WFDC2: variants seen among roughly 807,000 people sequenced by gnomAD.
WFDC2 encodes the protein WAP four-disulfide core domain protein 2.
A neutral mutation model predicts 12.5 loss-of-function variants in WFDC2; 8 were observed. The ratio of observed to expected loss-of-function variants is 0.64; its 90% CI spans 0.37 to 1.15. WFDC2 has a LOEUF of 1.15. Among genes scored for constraint, WFDC2 ranks in the 50% most tolerant of loss-of-function variants. The pLI is 0.01. For missense variants in WFDC2, 166 were observed against 159.9 expected (o/e 1.04, Z -0.21); for synonymous variants, 74 against 67.2 (o/e 1.10, Z -0.49).
At position 45,480,060 on chromosome 20, in the gene WFDC2, T is replaced by G. The variant is rs1050953133; in HGVS notation, c.342T>G (p.Cys114Trp). The change falls in exon 3 of 4, where the codon TGT becomes TGG. Residue 114 changes from cysteine to tryptophan, a missense_variant. By Grantham distance (215) the Cys-to-Trp change is radical. Transcript: ENST00000372676. The part of the protein sequence containing the change: ...PGQMKCCRNG[C>W]GKVSCVTPNF ...AGATGAAATGCTGCCGCAATGGCTG[T>G]GGGAAGGTGTCCTGTGTCACTCCCA... 2 of 1,614,026 alleles carry G rather than the reference T, an allele frequency of 1.2e-6. No individual in the cohort carries two copies. The highest frequency in any genetic ancestry group is 2.7e-5 in the African/African-American group (2 of 74,894).
chr20:45,478,106 G>A (rs1213386219), intron 2 of WFDC2, among the ~76,000 whole-genome samples: 5 of 152,196 alleles, frequency 3.3e-5, no homozygotes, highest in Non-Finnish European at 7.3e-5. Flanking sequence ...CTCCATGGGG[G>A]TGGGATCCGC....
intron 3 of WFDC2, among the ~76,000 whole-genome samples, chr20:45,480,299 G>A (rs370953472): frequency 6.6e-6 from 1 of 152,068 alleles, no homozygotes; most frequent in East Asian, 1.9e-4. Flanking sequence ...GTCTCAGGCA[G>A]AGGGAACAGA....
At chr20:45,479,910 G>T in intron 2 of WFDC2, 32 bp from the exon 3 acceptor site, 1 of 1,614,216 alleles carries the variant, frequency 6.2e-7, no homozygotes, top group Non-Finnish European at 8.5e-7. Flanking sequence ...TATCGCCTCT[G>T]CCCACTTACC....
At chr20:45,479,119 G>T (rs927080038) in intron 2 of WFDC2, among the ~76,000 whole-genome samples, 3 of 152,176 alleles carry the variant, frequency 2.0e-5, no homozygotes, top group African/African-American at 7.2e-5. Context: ...GTGTGTGTTT[G>T]TTAGTGGAAG....
chr20:45,469,777 GCAC>G lies in WFDC2; in HGVS notation c.-2_1del. 2.5e-6 allele frequency: 4 copies of G among 1,606,290 alleles called. No homozygotes were observed. The highest frequency in any genetic ancestry group is 3.4e-6 in the Non-Finnish European group (4 of 1,176,608). ...CACACCTGCACCCCGCCCGGGCATAGCACCATGCCTGCTTGTCGCCTAGGCCCG... is the reference window on the plus strand; with the variant it reads ...CACACCTGCACCCCGCCCGGGCATAGCATGCCTGCTTGTCGCCTAGGCCCG... On this transcript the variant is annotated 5_prime_UTR_variant, in exon 1 of 4. Coordinates refer to ENST00000372676, the MANE Select transcript of WFDC2 (RefSeq NM_006103.4).
At chr20:45,476,816 C>A (rs576749691) in intron 2 of WFDC2, among the ~76,000 whole-genome samples, 2 of 152,252 alleles carry the variant, frequency 1.3e-5, no homozygotes, top group South Asian at 4.1e-4. Flanking sequence ...ATCAATCAAA[C>A]ATAGGTTTGG....
At chr20:45,479,535 G>A (rs1298138702) in intron 2 of WFDC2, 4 of 811,558 alleles carry the variant, frequency 4.9e-6, no homozygotes, top group South Asian at 4.7e-5. Context: ...CTAATTAAGT[G>A]TTCACTGTTA....
chr20:45,480,146 C>A (rs1251436351), intron 3 of WFDC2, 52 bp downstream of exon 3: 4 of 1,604,456 alleles, frequency 2.5e-6, no homozygotes, highest in Non-Finnish European at 3.4e-6. Flanking sequence ...TTGTGGGAAA[C>A]AGGAGAAAAC....
In WFDC2 at chr20:45,480,066, G is replaced by T; in HGVS notation, c.348G>T (p.Lys116Asn). The T allele has an allele frequency of 6.2e-7, 1 of 1,614,196 alleles. No individual in the cohort carries two copies. Among genetic ancestry groups the T allele is most frequent in the South Asian group, 1.1e-5 (1 of 91,084 alleles). The change falls in exon 3 of 4, where the codon AAG becomes AAT. Residue 116 changes from lysine to asparagine, a missense_variant. Transcript: ENST00000372676. ...QMKCCRNGCG[K>N]VSCVTPNF Reference sequence around the variant, plus strand: ...AATGCTGCCGCAATGGCTGTGGGAAGGTGTCCTGTGTCACTCCCAATTTCT... The same window carrying T: ...AATGCTGCCGCAATGGCTGTGGGAATGTGTCCTGTGTCACTCCCAATTTCT...
rs570529233 is a variant in WFDC2 at position 45,470,731 on chromosome 20, A to AG, written c.223+206dup. On this transcript the variant is annotated intron_variant, in intron 2 of 3. Transcript: ENST00000372676. The surrounding 1 kb of genome is among the most constrained non-coding windows in gnomAD (Gnocchi z 5.4). ...CAAAGGCGTCGTTGAAACGCAGCCA[A>AG]GGGGGGGTCCCCACCCCTAGCTGGG... 4.3e-4 allele frequency among the ~76,000 whole-genome samples: 65 copies of AG among 152,198 alleles called. 1 individual carries two copies. In the East Asian group the frequency reaches 9.3e-3, roughly 22 times the overall value.
Position 45,470,582 on chromosome 20 carries a change from G to C in WFDC2, c.223+50G>C, listed in dbSNP as rs1313855916. ...AACGGGGCGGGGCCGCGCTGGGCTG[G>C]GAGGAGGTGGGAGGGCCCGGGTTCC... On this transcript the variant is annotated intron_variant, in intron 2 of 3. Coordinates refer to ENST00000372676, the MANE Select transcript of WFDC2 (RefSeq NM_006103.4). This position sits in a 1 kb window ranked among gnomAD's most constrained non-coding sequence, Gnocchi z 5.4. 1 of 1,505,948 alleles carries C rather than the reference G, an allele frequency of 6.6e-7. No homozygotes were observed. Among genetic ancestry groups the C allele is most frequent in the Admixed American group, 2.2e-5 (1 of 46,068 alleles). The allele number at this position is 1,505,948 out of a possible 1,614,324, so 93.3% of individuals were successfully genotyped here.
intron 2 of WFDC2, chr20:45,479,447 C>T: frequency 1.8e-6 from 1 of 561,922 alleles, no homozygotes; most frequent in Middle Eastern, 4.2e-4. Flanking sequence ...ACAGATCCCT[C>T]CCCTTCTTTT....
chr20:45,475,076 A>G (rs1353712003), intron 2 of WFDC2, among the ~76,000 whole-genome samples: 1 of 151,460 alleles, frequency 6.6e-6, no homozygotes, highest in Non-Finnish European at 1.5e-5. Context: ...TCTTTTCTTT[A>G]TTAGTATGGC....
intron 2 of WFDC2, chr20:45,471,050 T>C: frequency 2.2e-6 from 1 of 447,582 alleles, no homozygotes; most frequent in Admixed American, 2.4e-5. Flanking sequence ...ATCTTAAAGA[T>C]GTGTAAGGGA....
chr20:45,472,783 G>T (rs1456600653), intron 2 of WFDC2, among the ~76,000 whole-genome samples: 1 of 152,182 alleles, frequency 6.6e-6, no homozygotes, highest in African/African-American at 2.4e-5. Context: ...TTCCACAATG[G>T]TTGAACTAAT....
intron 3 of WFDC2, among the ~76,000 whole-genome samples, chr20:45,480,971 A>G (rs879403749): frequency 6.6e-6 from 1 of 152,212 alleles, no homozygotes; most frequent in Non-Finnish European, 1.5e-5. Flanking sequence ...TATAAAATGT[A>G]GCTAAATAAG....
At chr20:45,480,208 G>C in intron 3 of WFDC2, 114 bp downstream of exon 3, 1 of 1,456,662 alleles carries the variant, frequency 6.9e-7, no homozygotes, top group Non-Finnish European at 9.3e-7. Flanking sequence ...GTTGGGAAAG[G>C]TATACCAGTG....
In WFDC2 at chr20:45,470,648, G is replaced by C; in HGVS notation, c.223+116G>C. 2 of 1,387,660 alleles carry C rather than the reference G, an allele frequency of 1.4e-6. No individual in the cohort carries two copies. Among genetic ancestry groups the C allele is most frequent in the African/African-American group, 1.5e-5 (1 of 68,746 alleles). The allele number at this position is 1,387,660 out of a possible 1,614,324, so 86.0% of individuals were successfully genotyped here. A position where few individuals can be genotyped will look rare whatever the true frequency, so the allele number is the denominator to read the frequency against. On this transcript the variant is annotated intron_variant, in intron 2 of 3. Transcript: ENST00000372676. The surrounding 1 kb of genome is among the most constrained non-coding windows in gnomAD (Gnocchi z 5.4). ...CCCGGACCCGGGGACCCCCGGGAAA[G>C]TCAAGGCGGTTGAAACCAGATCCGT...
chr20:45,470,695 C>T lies in WFDC2; in HGVS notation c.223+163C>T, dbSNP rs1991159243. On this transcript the variant is annotated intron_variant, in intron 2 of 3. Transcript: ENST00000372676. The surrounding 1 kb of genome is among the most constrained non-coding windows in gnomAD (Gnocchi z 5.4). ...CCGTCAGTCCTCTCCCTCGCACGGC[C>T]CAGGGGTAGACAAAGGCGTCGTTGA... 6.6e-6 allele frequency among the ~76,000 whole-genome samples: 1 copy of T among 152,124 alleles called. No individual in the cohort carries two copies. The highest frequency in any genetic ancestry group is 6.5e-5 in the Admixed American group (1 of 15,290).
Sources: gnomAD v4.1 joint callset for allele counts (sites outside exome capture counted in the v4.1 genomes callset) on GRCh38, gnomAD v4.1.1 for gene constraint, Gnocchi (gnomAD v3.1) non-coding constraint, MANE v1.5 for transcripts, NCBI Gene and HGNC (gene_info 2026-07-23, HGNC 2026-07-21) for gene names.